MGAT5: variants seen among roughly 807,000 people sequenced by gnomAD.
The protein encoded by MGAT5 is alpha-1,6-mannosylglycoprotein 6-beta-N-acetylglucosaminyltransferase.
MGAT5 carries 30 observed loss-of-function variants against 94.3 expected under a neutral mutation model. The observed-to-expected ratio is 0.32, with a 90% CI of 0.24 to 0.43. MGAT5 has a LOEUF of 0.43. Among genes scored for constraint, MGAT5 ranks in the 20% least tolerant of loss-of-function variants. The pLI is 1.00. For missense variants in MGAT5, 691 were observed against 905.5 expected, an observed-to-expected ratio of 0.76 and a Z score of 3.04; for synonymous variants, 310 against 322.9, an observed-to-expected ratio of 0.96 and a Z score of 0.43.
intron 9 of MGAT5, among the ~76,000 whole-genome samples, chr2:134,358,860 C>G (rs1224629688): frequency 2.0e-5 from 3 of 152,176 alleles, no homozygotes; most frequent in Admixed American, 1.3e-4. Flanking sequence ...TTTGTCAATA[C>G]TTATCATATA....
chr2:134,387,424 G>A (rs1220243534), intron 10 of MGAT5, among the ~76,000 whole-genome samples: 7 of 140,740 alleles, frequency 5.0e-5, no homozygotes, highest in East Asian at 4.2e-4. Context: ...TGGTTCTATC[G>A]GCTAACTTAT....
intron 11 of MGAT5, among the ~76,000 whole-genome samples, chr2:134,406,819 C>T (rs1683367222): frequency 6.6e-6 from 1 of 151,992 alleles, no homozygotes; most frequent in Non-Finnish European, 1.5e-5. Context: ...CACTTGAGTC[C>T]AGAAGGCTGA....
At chr2:134,202,747 A>G (rs936988287) in intron 1 of MGAT5, among the ~76,000 whole-genome samples, 9 of 152,218 alleles carry the variant, frequency 5.9e-5, no homozygotes, top group African/African-American at 2.2e-4. Flanking sequence ...TATACGGCCA[A>G]TTGTCTCCTT....
chr2:134,309,767 T>G (rs2105864262), intron 2 of MGAT5, among the ~76,000 whole-genome samples: 1 of 152,304 alleles, frequency 6.6e-6, no homozygotes, highest in African/African-American at 2.4e-5. Flanking sequence ...CTTATATAAC[T>G]GTTTTTCATA....
chr2:134,369,902 C>T (rs1382925121), intron 10 of MGAT5, among the ~76,000 whole-genome samples: 3 of 152,064 alleles, frequency 2.0e-5, no homozygotes, highest in East Asian at 1.9e-4. Context: ...TATAGGAGGT[C>T]AAGGAGCAGC....
chr2:134,149,117 G>A (rs1336884480), intron 1 of MGAT5, among the ~76,000 whole-genome samples: 1 of 152,058 alleles, frequency 6.6e-6, no homozygotes, highest in Non-Finnish European at 1.5e-5. Context: ...TAATTTAGGA[G>A]TAACTTGGAG....
intron 10 of MGAT5, among the ~76,000 whole-genome samples, chr2:134,372,824 A>G (rs916911529): frequency 6.6e-5 from 10 of 152,256 alleles, no homozygotes; most frequent in African/African-American, 2.4e-4. Flanking sequence ...AAATCACTGC[A>G]GCTGTGAGAA....
intron 2 of MGAT5, among the ~76,000 whole-genome samples, chr2:134,283,415 C>T (rs1684818950): frequency 6.6e-6 from 1 of 152,110 alleles, no homozygotes; most frequent in South Asian, 2.1e-4. Flanking sequence ...TTAACCAAAA[C>T]TAAGGAGCCT....
At chr2:134,289,286 G>C (rs763531943) in intron 2 of MGAT5, among the ~76,000 whole-genome samples, 19 of 152,228 alleles carry the variant, frequency 1.2e-4, no homozygotes, top group Non-Finnish European at 2.2e-4. Context: ...AACCATTGCT[G>C]GGCTGCATGC....
Position 134,426,365 on chromosome 2 carries a change from G to C in MGAT5, c.1795-2000G>C, listed in dbSNP as rs185877478. Among the ~76,000 whole-genome samples the C allele has an allele frequency of 3.6e-3, 550 of 152,300 alleles. 2 individuals carry two copies. The highest frequency in any genetic ancestry group is 5.6e-3 in the South Asian group (27 of 4,824). ...ACATCCCTTTGGTTAAAGTGGGCTA[G>C]GTTGGTAGGAGAACAGAGGAGGAGC... is the stretch of plus-strand genomic sequence containing the variant. On this transcript the variant is annotated intron_variant, in intron 13 of 15. Transcript: ENST00000281923.
At chr2:134,288,801 C>T (rs1016847857) in intron 2 of MGAT5, among the ~76,000 whole-genome samples, 1 of 152,150 alleles carries the variant, frequency 6.6e-6, no homozygotes, top group African/African-American at 2.4e-5. Context: ...CATGCTCTCC[C>T]CTGACAGCCA....
intron 10 of MGAT5, among the ~76,000 whole-genome samples, chr2:134,369,380 G>A (rs992654585): frequency 6.6e-6 from 1 of 152,188 alleles, no homozygotes. Flanking sequence ...GCAGGGAGAT[G>A]GATGGGAACA....
At chr2:134,298,785 G>T (rs1049948503) in intron 2 of MGAT5, among the ~76,000 whole-genome samples, 12 of 152,112 alleles carry the variant, frequency 7.9e-5, no homozygotes, top group Non-Finnish European at 1.6e-4. Flanking sequence ...GGTGATGGTT[G>T]AGTGTGTTTA....
At chr2:134,321,452 C>A (rs1252885875) in intron 4 of MGAT5, among the ~76,000 whole-genome samples, 1 of 152,164 alleles carries the variant, frequency 6.6e-6, no homozygotes, top group Non-Finnish European at 1.5e-5. Context: ...TTATTTGTGA[C>A]TTCTTTCCCT....
intron 13 of MGAT5, among the ~76,000 whole-genome samples, chr2:134,427,098 A>G (rs1684634548): frequency 6.6e-6 from 1 of 152,136 alleles, no homozygotes; most frequent in Non-Finnish European, 1.5e-5. Context: ...CCTGAGACCA[A>G]CTGCTTGGCT....
intron 10 of MGAT5, among the ~76,000 whole-genome samples, chr2:134,381,382 T>TAAGATAAGATAAGA (rs1553457734): frequency 4.4e-4 from 48 of 108,522 alleles, no homozygotes; most frequent in Middle Eastern, 6.2e-3. Context: ...ATAAGATAGA[T>TAAGATAAGATAAGA]TAGATAGATA....
chr2:134,255,504 TACACATATATATATACAC>T (rs1248684190), intron 1 of MGAT5, among the ~76,000 whole-genome samples: 1 of 149,694 alleles, frequency 6.7e-6, no homozygotes, highest in Admixed American at 6.7e-5. Context: ...TACACATATA[TACACATATATATATACAC>T]ACACATATAT....
chr2:134,327,409 C>T (rs755934886), intron 4 of MGAT5, among the ~76,000 whole-genome samples: 6 of 152,000 alleles, frequency 3.9e-5, no homozygotes, highest in Non-Finnish European at 5.9e-5. Flanking sequence ...AGCTTTGGGG[C>T]TGCTATTAAG....
intron 10 of MGAT5, among the ~76,000 whole-genome samples, chr2:134,371,442 C>T (rs1680792578): frequency 6.6e-6 from 1 of 152,078 alleles, no homozygotes; most frequent in African/African-American, 2.4e-5. Flanking sequence ...CAGTAGATAC[C>T]CCAAATTCTT....
Sources: allele counts gnomAD v4.1 joint callset (sites outside exome capture counted in the v4.1 genomes callset), GRCh38; gene constraint gnomAD v4.1.1; transcripts MANE v1.5; gene names NCBI Gene and HGNC (gene_info 2026-07-23, HGNC 2026-07-21).